Variants in ABLIM2 observed in about 807,000 individuals in gnomAD.
ABLIM2 encodes actin-binding LIM protein 2.
A neutral mutation model predicts 97.7 loss-of-function variants in ABLIM2; 53 were observed. The ratio of observed to expected loss-of-function variants is 0.54; its 90% CI spans 0.44 to 0.68. ABLIM2 has a LOEUF of 0.68. ABLIM2 is among the 30% of genes least tolerant of loss of function. The pLI is 0.00. For synonymous variants in ABLIM2, 361 were observed against 345.8 expected (o/e 1.04, Z -0.49); for missense variants, 835 against 867.2 (o/e 0.96, Z 0.47).
At chr4:8,013,502 G>C (rs1387610897) in intron 14 of ABLIM2, among the ~76,000 whole-genome samples, 1 of 152,174 alleles carries the variant, frequency 6.6e-6, no homozygotes, top group Admixed American at 6.5e-5. Context: ...GGGATTACAG[G>C]TGTGAGTCAC....
At chr4:8,154,572 A>G (rs547479588) in intron 1 of ABLIM2, among the ~76,000 whole-genome samples, 57 of 152,304 alleles carry the variant, frequency 3.7e-4, no homozygotes, top group South Asian at 2.5e-3. Flanking sequence ...AAGCCACCGC[A>G]CCCGGCCAAT....
chr4:8,098,640 G>A (rs1053727628), intron 2 of ABLIM2, among the ~76,000 whole-genome samples: 9 of 152,166 alleles, frequency 5.9e-5, no homozygotes, highest in African/African-American at 1.2e-4. Context: ...TCCAGATGCC[G>A]GAGCTGCCGG....
At chr4:8,039,317 T>G (rs1163557258) in intron 9 of ABLIM2, among the ~76,000 whole-genome samples, 1 of 152,164 alleles carries the variant, frequency 6.6e-6, no homozygotes, top group Non-Finnish European at 1.5e-5. Context: ...CCCCACAGCA[T>G]AGGGGGCCGC....
intron 9 of ABLIM2, among the ~76,000 whole-genome samples, chr4:8,040,483 C>T (rs572317510): frequency 7.2e-5 from 11 of 151,986 alleles, no homozygotes; most frequent in Non-Finnish European, 1.2e-4. Context: ...TGGTGGTGGG[C>T]GCCTGTAATC....
intron 11 of ABLIM2, among the ~76,000 whole-genome samples, chr4:8,028,449 GCTCA>G (rs779549644): frequency 7.4e-5 from 11 of 149,182 alleles, no homozygotes; most frequent in East Asian, 2.0e-4. Flanking sequence ...TCACTTACTT[GCTCA>G]CTCAATCACT....
chr4:8,030,347 G>T (rs1017060073), intron 10 of ABLIM2, among the ~76,000 whole-genome samples: 2 of 152,190 alleles, frequency 1.3e-5, no homozygotes, highest in African/African-American at 2.4e-5. Flanking sequence ...GTGGTGTGGG[G>T]TGGCGTGGCA....
intron 20 of ABLIM2, among the ~76,000 whole-genome samples, chr4:7,976,254 T>C (rs901830863): frequency 1.3e-5 from 2 of 152,162 alleles, no homozygotes; most frequent in Non-Finnish European, 2.9e-5. Flanking sequence ...TACTTTTCCA[T>C]CACCAAGTTC....
Position 8,077,637 on chromosome 4 carries a change from G to A in ABLIM2, c.666C>T (p.Arg222=), listed in dbSNP as rs546918069. ...CDSCEKYITG[R]VLEAGEKHYH... Reference sequence around the variant, plus strand: ...GGCCCGCCGCGCTTACCTCCAGCACGCGCCCCGTGATGTATTTCTCACAGC... The same window carrying A: ...GGCCCGCCGCGCTTACCTCCAGCACACGCCCCGTGATGTATTTCTCACAGC... Residue 222 remains arginine (R), a synonymous_variant, in exon 6 of 21, where the codon CGC becomes CGT. Coordinates refer to ENST00000447017, the MANE Select transcript of ABLIM2 (RefSeq NM_001130083.2). The A allele has an allele frequency of 2.9e-5, 47 of 1,610,526 alleles. No homozygotes were observed. Among genetic ancestry groups the A allele is most frequent in the Admixed American group, 6.7e-5 (4 of 59,670 alleles).
Position 8,036,166 on chromosome 4 carries a change from T to G in ABLIM2, c.1030A>C (p.Arg344=). ...SPYISHSAGD[R]QSYGEGDQDD... ...GTCCATACCTCGCCGTAGCTCTGCC[T>G]GTCCCCTGCAGAGTGGCTGATGTAG... Residue 344 remains arginine, a synonymous_variant, in exon 10 of 21, where the codon AGG becomes CGG. Transcript: ENST00000447017. 1 of 1,613,854 alleles carries G rather than the reference T, an allele frequency of 6.2e-7. No individual in the cohort carries two copies. The highest frequency in any genetic ancestry group is 1.3e-5 in the African/African-American group (1 of 75,048).
intron 8 of ABLIM2, 73 bp from the exon 9 acceptor site, chr4:8,045,314 T>C (rs745895046): frequency 1.2e-5 from 17 of 1,361,914 alleles, no homozygotes; most frequent in Non-Finnish European, 1.6e-5. Context: ...CTGTCAGGAG[T>C]TCCACTCCAG....
In ABLIM2 at chr4:8,032,442, A is replaced by G. The variant is rs1282402721; in HGVS notation, c.1048-2666T>C. Among the ~76,000 whole-genome samples, 4 of 152,142 alleles carry G rather than the reference A, an allele frequency of 2.6e-5. No homozygotes were observed. The highest frequency in any genetic ancestry group is 1.9e-4 in the East Asian group (1 of 5,166). Reference sequence around the variant, plus strand: ...GGCCACATCCGCAGGGCTGGCAGACATATCGGGGAGGCATGCAAGTGCGGG... The same window carrying G: ...GGCCACATCCGCAGGGCTGGCAGACGTATCGGGGAGGCATGCAAGTGCGGG... On this transcript the variant is annotated intron_variant, in intron 10 of 20. Transcript: ENST00000447017. The surrounding 1 kb of genome is among the most constrained non-coding windows in gnomAD (Gnocchi z 4.3).
At position 8,128,115 on chromosome 4, in the gene ABLIM2, C is replaced by T. The variant is rs906833261; in HGVS notation, c.11-21478G>A. 2.0e-5 allele frequency among the ~76,000 whole-genome samples: 3 copies of T among 152,198 alleles called. No individual in the cohort carries two copies. The highest frequency in any genetic ancestry group is 4.4e-5 in the Non-Finnish European group (3 of 68,026). On this transcript the variant is annotated intron_variant, in intron 1 of 20. Coordinates refer to ENST00000447017, the MANE Select transcript of ABLIM2 (RefSeq NM_001130083.2). This position sits in a 1 kb window ranked among gnomAD's most constrained non-coding sequence, Gnocchi z 4.9. ...GGCTGCCTCTTCCCGCTGCTGGTGG[C>T]TCCAGGCGCCCTTTGGTATGTGGCT...
rs534642494 is a variant in ABLIM2, at chr4:8,010,305, C to A, written c.1424-1203G>T. On this transcript the variant is annotated intron_variant, in intron 14 of 20. Coordinates refer to ENST00000447017, the MANE Select transcript of ABLIM2 (RefSeq NM_001130083.2). ...CAACTTAGTAGGTAAACACCCACAC[C>A]TTGTGTATCCCTTACAGAAACACTG... 18 of 930,032 alleles carry A rather than the reference C, an allele frequency of 1.9e-5. No homozygotes were observed. In the African/African-American group the frequency reaches 3.0e-4, roughly 16 times the overall value. 57.6% of individuals were successfully genotyped at this position (930,032 alleles called of 1,614,324 possible).
chr4:8,007,824 G>T, intron 16 of ABLIM2: 1 of 1,325,316 alleles, frequency 7.5e-7, no homozygotes, highest in Non-Finnish European at 9.6e-7. Flanking sequence ...ATCTGTGAGG[G>T]GACATGCAGG....
At chr4:7,973,733 G>A (rs898018839) in intron 20 of ABLIM2, among the ~76,000 whole-genome samples, 8 of 152,222 alleles carry the variant, frequency 5.3e-5, no homozygotes, top group African/African-American at 1.4e-4. Context: ...GTCTCAGAGT[G>A]TGAATCCACG....
chr4:8,116,994 C>T (rs538613097), intron 1 of ABLIM2, among the ~76,000 whole-genome samples: 3 of 152,314 alleles, frequency 2.0e-5, no homozygotes, highest in Non-Finnish European at 1.5e-5. Flanking sequence ...GACTCAGTGG[C>T]GACGCCTGGT....
In ABLIM2 at chr4:8,128,672, T is replaced by C. The variant is rs568904724; in HGVS notation, c.11-22035A>G. 1.3e-5 allele frequency among the ~76,000 whole-genome samples: 2 copies of C among 152,202 alleles called. No individual in the cohort carries two copies. The highest frequency in any genetic ancestry group is 6.5e-5 in the Admixed American group (1 of 15,298). ...CCCAAGGCCACTGCCGTGGATTGAA[T>C]GTGGTGTCCCCTCCCCAGACTCACA... On this transcript the variant is annotated intron_variant, in intron 1 of 20. Transcript: ENST00000447017. The surrounding 1 kb of genome is among the most constrained non-coding windows in gnomAD (Gnocchi z 4.9).
chr4:7,968,221 C>T (rs1248337928), intron 20 of ABLIM2, among the ~76,000 whole-genome samples: 2 of 152,280 alleles, frequency 1.3e-5, no homozygotes, highest in Non-Finnish European at 2.9e-5. Context: ...GAATCACCAT[C>T]TGCTGCCTTC....
intron 1 of ABLIM2, among the ~76,000 whole-genome samples, chr4:8,136,862 T>G (rs1850263424): frequency 6.6e-6 from 1 of 152,220 alleles, no homozygotes; most frequent in African/African-American, 2.4e-5. Flanking sequence ...CCAAGTCCTG[T>G]CACTCGCTAC....
Sources: allele counts gnomAD v4.1 joint callset (sites outside exome capture counted in the v4.1 genomes callset), GRCh38; gene constraint gnomAD v4.1.1; non-coding constraint Gnocchi (gnomAD v3.1); transcripts MANE v1.5; gene names NCBI Gene and HGNC (gene_info 2026-07-23, HGNC 2026-07-21).